The following PGM5 variants were observed in gnomAD, a reference collection of about 807,000 sequenced individuals.
PGM5 encodes the protein phosphoglucomutase 5, also known as phosphoglucomutase-like protein 5.
PGM5 carries 23 observed loss-of-function variants against 59.2 expected under a neutral mutation model. That is an observed-to-expected ratio of 0.39 (90% CI 0.28 to 0.55). The LOEUF (loss-of-function observed/expected upper bound fraction) is 0.55, where lower values mean the gene tolerates loss of function less well. Among genes scored for constraint, PGM5 ranks in the 20% least tolerant of loss-of-function variants. The probability of loss-of-function intolerance (pLI) is 0.66; values close to 1 mark genes in which losing one functional copy is unlikely to be tolerated. For missense variants in PGM5, 574 were observed against 748.3 expected (o/e 0.77, Z 2.72); for synonymous variants, 214 against 286.0 (o/e 0.75, Z 2.54).
intron 6 of PGM5, among the ~76,000 whole-genome samples, chr9:68,458,509 G>C (rs1823812296): frequency 6.6e-6 from 1 of 152,066 alleles, no homozygotes; most frequent in South Asian, 2.1e-4. Context: ...AGTTCCCTTT[G>C]GTTTAAGTGA....
chr9:68,443,613 A>C (rs1823564708), intron 6 of PGM5, among the ~76,000 whole-genome samples: 2 of 152,202 alleles, frequency 1.3e-5, no homozygotes, highest in Non-Finnish European at 2.9e-5. Context: ...CCTCTTTATC[A>C]ACTCTCCTCC....
Position 68,387,993 on chromosome 9 carries a change from T to C in PGM5, c.697+405T>C, listed in dbSNP as rs148020545. ...TTTTCAGCTGTTTCTTTTTTGTATT[T>C]ATCTCCCTATCATTAAATATTATGA... On this transcript the variant is annotated intron_variant, in intron 4 of 10. Coordinates refer to ENST00000396396, the MANE Select transcript of PGM5 (RefSeq NM_021965.4). Among the ~76,000 whole-genome samples the C allele has an allele frequency of 3.5e-3, 533 of 151,760 alleles. 3 individuals carry two copies. The highest frequency in any genetic ancestry group is 0.012 in the African/African-American group (511 of 41,376).
In PGM5 at chr9:68,373,053, C is replaced by T. The variant is rs569964025; in HGVS notation, c.262-5146C>T. Among the ~76,000 whole-genome samples, 68 of 151,194 alleles carry T rather than the reference C, an allele frequency of 4.5e-4. No individual in the cohort carries two copies. The South Asian group carries it at 0.01, about 23-fold the overall frequency. On this transcript the variant is annotated intron_variant, in intron 1 of 10. Transcript: ENST00000396396. ...TCTAAACCATATCAGCCACTTGGCT[C>T]ATGAGCCCATTGGACAATGACAGGA...
At chr9:68,450,061 A>G (rs999823357) in intron 6 of PGM5, among the ~76,000 whole-genome samples, 19 of 152,202 alleles carry the variant, frequency 1.2e-4, no homozygotes, top group Admixed American at 1.2e-3. Flanking sequence ...CCAATGTTCA[A>G]TGTCAGTTCA....
intron 8 of PGM5, among the ~76,000 whole-genome samples, chr9:68,482,400 T>C (rs1040259687): frequency 6.6e-6 from 1 of 152,102 alleles, no homozygotes; most frequent in African/African-American, 2.4e-5. Context: ...TCCTTTTTTT[T>C]CCCTCTGAGG....
At chr9:68,423,118 C>G (rs536860321) in intron 6 of PGM5, among the ~76,000 whole-genome samples, 1 of 152,148 alleles carries the variant, frequency 6.6e-6, no homozygotes, top group Non-Finnish European at 1.5e-5. Context: ...TTTATCCACT[C>G]GTTGATTGAT....
At chr9:68,370,436 G>A (rs1277193352) in intron 1 of PGM5, among the ~76,000 whole-genome samples, 6 of 152,040 alleles carry the variant, frequency 3.9e-5, no homozygotes, top group African/African-American at 1.4e-4. Flanking sequence ...CGAAATTTTA[G>A]CCTGAGGGTT....
At chr9:68,479,802 C>T (rs929923350) in intron 8 of PGM5, among the ~76,000 whole-genome samples, 4 of 151,122 alleles carry the variant, frequency 2.6e-5, no homozygotes, top group Admixed American at 6.6e-5. Context: ...GGCGTAGTGG[C>T]GGGCGCCTGT....
At chr9:68,496,449 C>T (rs1376645572) in intron 9 of PGM5, among the ~76,000 whole-genome samples, 4 of 152,210 alleles carry the variant, frequency 2.6e-5, no homozygotes, top group Non-Finnish European at 4.4e-5. Flanking sequence ...TGATGTTCCT[C>T]ACCTGGAATG....
At chr9:68,435,365 G>A (rs1456309786) in intron 6 of PGM5, among the ~76,000 whole-genome samples, 1 of 151,976 alleles carries the variant, frequency 6.6e-6, no homozygotes, top group Non-Finnish European at 1.5e-5. Flanking sequence ...ATAATGGTTG[G>A]CAATTTTCAT....
chr9:68,358,727 G>A (rs557350189), intron 1 of PGM5, among the ~76,000 whole-genome samples: 140 of 151,786 alleles, frequency 9.2e-4, no homozygotes, highest in African/African-American at 3.2e-3. Context: ...CTCCTTCTCG[G>A]TGTTGCAGGG....
At chr9:68,527,810 G>A (rs1014072047) in intron 10 of PGM5, among the ~76,000 whole-genome samples, 2 of 152,182 alleles carry the variant, frequency 1.3e-5, no homozygotes, top group East Asian at 1.9e-4. Flanking sequence ...ATTGCTGCCA[G>A]ATCAATATTT....
At chr9:68,451,031 A>G in intron 6 of PGM5, among the ~76,000 whole-genome samples, 1 of 152,206 alleles carries the variant, frequency 6.6e-6, no homozygotes, top group East Asian at 1.9e-4. Context: ...GGTCCTGCTG[A>G]GTTAAACTAT....
intron 9 of PGM5, among the ~76,000 whole-genome samples, chr9:68,487,715 C>G (rs782546918): frequency 3.9e-5 from 6 of 152,078 alleles, no homozygotes; most frequent in Non-Finnish European, 8.8e-5. Flanking sequence ...TAATTTTCAA[C>G]AATGAATTGT....
intron 8 of PGM5, among the ~76,000 whole-genome samples, chr9:68,482,399 T>C (rs1564017535): frequency 6.6e-6 from 1 of 152,172 alleles, no homozygotes; most frequent in African/African-American, 2.4e-5. Flanking sequence ...TTCCTTTTTT[T>C]TCCCTCTGAG....
At chr9:68,510,581 T>C (rs1262579463) in intron 10 of PGM5, among the ~76,000 whole-genome samples, 1 of 152,210 alleles carries the variant, frequency 6.6e-6, no homozygotes, top group African/African-American at 2.4e-5. Context: ...TTAAATCAGA[T>C]AATTCATATA....
intron 9 of PGM5, among the ~76,000 whole-genome samples, chr9:68,489,977 G>A (rs193250918): frequency 7.1e-4 from 108 of 152,280 alleles, no homozygotes; most frequent in African/African-American, 2.3e-3. Context: ...AAAAAGAACC[G>A]TTTGAATTTA....
In PGM5 at chr9:68,473,101, G is replaced by A. The variant is rs868957847; in HGVS notation, c.1160-6317G>A. On this transcript the variant is annotated intron_variant, in intron 7 of 10. Transcript: ENST00000396396. ...AAATCAATCTATCTATCAGTCTACCGATCGATCGATCGATCTCCATCACAA... is the reference window on the plus strand; with the variant it reads ...AAATCAATCTATCTATCAGTCTACCAATCGATCGATCGATCTCCATCACAA... Among the ~76,000 whole-genome samples, 17 of 151,944 alleles carry A rather than the reference G, an allele frequency of 1.1e-4. 1 individual carries two copies. The highest frequency in any genetic ancestry group is 7.7e-4 in the East Asian group (4 of 5,186).
chr9:68,424,412 T>C (rs929689844), intron 6 of PGM5, among the ~76,000 whole-genome samples: 1 of 152,168 alleles, frequency 6.6e-6, no homozygotes, highest in East Asian at 1.9e-4. Context: ...TGTCCTCACA[T>C]GGTGGAAGGG....
Sources: gnomAD v4.1 joint callset for allele counts (sites outside exome capture counted in the v4.1 genomes callset) on GRCh38, gnomAD v4.1.1 for gene constraint, MANE v1.5 for transcripts, NCBI Gene and HGNC (gene_info 2026-07-23, HGNC 2026-07-21) for gene names.